The following DNAJC16 variants were observed in gnomAD, a reference collection of about 807,000 sequenced individuals.
The protein encoded by DNAJC16 is dnaJ homolog subfamily C member 16.
A neutral mutation model predicts 92.7 loss-of-function variants in DNAJC16; 76 were observed. That is an observed-to-expected ratio of 0.82 (90% CI 0.68 to 0.99). The LOEUF (loss-of-function observed/expected upper bound fraction) is 0.99. DNAJC16 is among the 50% of genes least tolerant of loss of function. The probability of loss-of-function intolerance (pLI) is 0.00; values close to 1 mark genes in which losing one functional copy is unlikely to be tolerated. For synonymous variants in DNAJC16, 328 were observed against 358.7 expected (o/e 0.91, Z 0.97); for missense variants, 869 against 942.4 (o/e 0.92, Z 1.02).
chr1:15,551,906 C>G (rs2103417923), intron 7 of DNAJC16, among the ~76,000 whole-genome samples: 1 of 151,984 alleles, frequency 6.6e-6, no homozygotes, highest in African/African-American at 2.4e-5. Context: ...TGGCATGCAC[C>G]TGTAATCCCA....
At chr1:15,540,438 G>A (rs1309065920) in intron 4 of DNAJC16, among the ~76,000 whole-genome samples, 11 of 152,098 alleles carry the variant, frequency 7.2e-5, no homozygotes, top group African/African-American at 1.2e-4. Context: ...AGGCACACAC[G>A]GGCATGCCCA....
Position 15,527,395 on chromosome 1 carries a change from AAT to A in DNAJC16, c.-19+439_-19+440del, listed in dbSNP as rs1210939610. On this transcript the variant is annotated intron_variant, in intron 1 of 14. Transcript: ENST00000375847. ...AGCGATCGTACTGCATGGTAGAAAT[AAT>A]AGCACTAACGACCATTTGTTGACTG... 2.6e-5 allele frequency among the ~76,000 whole-genome samples: 4 copies of A among 152,320 alleles called. No homozygotes were observed. In the East Asian group the frequency reaches 7.7e-4, roughly 29 times the overall value.
Position 15,541,597 on chromosome 1 carries a change from A to T in DNAJC16, c.575-2802A>T, listed in dbSNP as rs142600944. 9.6e-4 allele frequency among the ~76,000 whole-genome samples: 146 copies of T among 152,300 alleles called. 1 individual carries two copies. Among genetic ancestry groups the T allele is most frequent in the African/African-American group, 3.4e-3 (141 of 41,566 alleles). ...GAGAGCTTGGTTTAGTCTGCTCAGC[A>T]GTTTTAAAACATTAAGTTTGGGATC... On this transcript the variant is annotated intron_variant, in intron 4 of 14. Transcript: ENST00000375847.
At chr1:15,563,795 A>G (rs1638745928) in intron 9 of DNAJC16, 134 bp from the exon 10 acceptor site, 7 of 833,744 alleles carry the variant, frequency 8.4e-6, no homozygotes, top group Non-Finnish European at 1.3e-5. Context: ...GCTTGCAGTG[A>G]GCCAAGATCA....
At position 15,565,974 on chromosome 1, in the gene DNAJC16, G is replaced by C. The variant is rs575324634; in HGVS notation, c.1654G>C (p.Gly552Arg). Residue 552 changes from glycine (G) to arginine (R), a missense_variant, in exon 12 of 15, where the codon GGC becomes CGC. By Grantham distance (125) the Gly-to-Arg change is moderately radical. Transcript: ENST00000375847. Reference protein sequence around the residue: ...LIFSALFILFGTVIVQAFSDS... With the variant: ...LIFSALFILFRTVIVQAFSDS... ...CTTCTCTGCCCTCTTCATCCTCTTC[G>C]GCACTGTCATCGTTCAGGCTTTCAG... 1.2e-6 allele frequency: 2 copies of C among 1,613,384 alleles called. No individual in the cohort carries two copies. The highest frequency in any genetic ancestry group is 8.5e-7 in the Non-Finnish European group (1 of 1,179,938).
chr1:15,557,597 C>G (rs977684728), intron 7 of DNAJC16, among the ~76,000 whole-genome samples: 1 of 151,306 alleles, frequency 6.6e-6, no homozygotes, highest in Non-Finnish European at 1.5e-5. Context: ...TCATTAACTT[C>G]TTTTCTATTA....
rs941204665 is a variant in DNAJC16, at chr1:15,559,519, T to G, written c.1024-7T>G. 1 of 1,613,942 alleles carries G rather than the reference T, an allele frequency of 6.2e-7. No homozygotes were observed. Among genetic ancestry groups the G allele is most frequent in the Non-Finnish European group, 8.5e-7 (1 of 1,179,882 alleles). ...TAAAATCTAGCTGATTCTTGGTTTT[T>G]CTCTAGGCCCGAGGTATGAAGAAGC... is the stretch of plus-strand genomic sequence containing the variant. On this transcript the variant is annotated splice_polypyrimidine_tract_variant and splice_region_variant and intron_variant, in intron 7 of 14. Transcript: ENST00000375847.
rs116362925 is a variant in DNAJC16, at chr1:15,551,165, C to T, written c.1023+2737C>T. Among the ~76,000 whole-genome samples, 211 of 152,290 alleles carry T rather than the reference C, an allele frequency of 1.4e-3. 1 individual carries two copies. The highest frequency in any genetic ancestry group is 4.9e-3 in the African/African-American group (205 of 41,570). On this transcript the variant is annotated intron_variant, in intron 7 of 14. Transcript: ENST00000375847. ...GATTACAGGCGTGAGCCTCCGTGCC[C>T]GGCCTCACCTTATATCTTTGATGAA...
intron 7 of DNAJC16, among the ~76,000 whole-genome samples, chr1:15,552,989 C>T (rs1160901851): frequency 6.6e-6 from 1 of 151,722 alleles, no homozygotes; most frequent in Non-Finnish European, 1.5e-5. Context: ...AGGCTGGTCT[C>T]GAGCGCCTGA....
chr1:15,531,168 A>G (rs1710651259), intron 2 of DNAJC16, among the ~76,000 whole-genome samples: 1 of 152,216 alleles, frequency 6.6e-6, no homozygotes. Flanking sequence ...GAGGAGCTGA[A>G]TGCGAGTAGG....
At chr1:15,549,644 C>G (rs7513040) in intron 7 of DNAJC16, among the ~76,000 whole-genome samples, 2 of 151,642 alleles carry the variant, frequency 1.3e-5, no homozygotes, top group South Asian at 4.2e-4. Flanking sequence ...GAAACCCCGT[C>G]TCTACTAAAA....
intron 7 of DNAJC16, among the ~76,000 whole-genome samples, chr1:15,551,887 C>T (rs1638450120): frequency 6.6e-6 from 1 of 151,498 alleles, no homozygotes; most frequent in Non-Finnish European, 1.5e-5. Context: ...ACAAAAAAGC[C>T]GGGTGTGGTG....
rs555151554 is a variant in DNAJC16 at position 15,557,914 on chromosome 1, C to CT, written c.1024-1604dup. Among the ~76,000 whole-genome samples the CT allele has an allele frequency of 3.5e-4, 53 of 150,802 alleles. No individual in the cohort carries two copies. In the South Asian group the frequency reaches 0.01, roughly 30 times the overall value. ...TGCCCAGCTAACAACTTTTTTTTTCCTTTTTTTTCTTTTATGAGACAGGGT... is the reference window on the plus strand; with the variant it reads ...TGCCCAGCTAACAACTTTTTTTTTCCTTTTTTTTTCTTTTATGAGACAGGGT... On this transcript the variant is annotated intron_variant, in intron 7 of 14. Transcript: ENST00000375847.
chr1:15,534,136 C>T, intron 2 of DNAJC16, 101 bp from the exon 3 acceptor site: 1 of 1,081,226 alleles, frequency 9.2e-7, no homozygotes, highest in Non-Finnish European at 1.3e-6. Flanking sequence ...AACAAAATAG[C>T]CCTCCGTCTG....
At chr1:15,533,422 T>A (rs2103403348) in intron 2 of DNAJC16, among the ~76,000 whole-genome samples, 1 of 151,158 alleles carries the variant, frequency 6.6e-6, no homozygotes, top group Non-Finnish European at 1.5e-5. Context: ...AGGTCAGGAG[T>A]TTGAGACCAG....
Position 15,567,391 on chromosome 1 carries a change from G to C in DNAJC16, c.1949+122G>C, listed in dbSNP as rs528129364. 1,277 of 1,041,562 alleles carry C rather than the reference G, an allele frequency of 1.2e-3. 3 individuals are homozygous for C. Among genetic ancestry groups the C allele is most frequent in the Non-Finnish European group, 1.7e-3 (1,208 of 719,304 alleles). 64.5% of individuals were successfully genotyped at this position (1,041,562 alleles called of 1,614,324 possible). ...TCATCCATACAGCAAGATGCTGGCT[G>C]TGACCTTTCCAATCCAGACATCTGA... is the stretch of plus-strand genomic sequence containing the variant. On this transcript the variant is annotated intron_variant, in intron 14 of 14. Coordinates refer to ENST00000375847, the MANE Select transcript of DNAJC16 (RefSeq NM_015291.4).
chr1:15,542,583 C>T (rs1388375387), intron 4 of DNAJC16, among the ~76,000 whole-genome samples: 1 of 152,214 alleles, frequency 6.6e-6, no homozygotes, highest in African/African-American at 2.4e-5. Flanking sequence ...CAAGGAGGGT[C>T]ATGGGACCCT....
At chr1:15,558,358 T>C (rs1235775804) in intron 7 of DNAJC16, among the ~76,000 whole-genome samples, 1 of 151,922 alleles carries the variant, frequency 6.6e-6, no homozygotes, top group Non-Finnish European at 1.5e-5. Flanking sequence ...CTAATGTTTT[T>C]TTATTTTTAG....
chr1:15,553,337 C>T (rs1258791445), intron 7 of DNAJC16, among the ~76,000 whole-genome samples: 1 of 151,894 alleles, frequency 6.6e-6, no homozygotes, highest in Admixed American at 6.6e-5. Context: ...CGGGTTCAAG[C>T]GATTCTCCTG....
Sources: gnomAD v4.1 joint callset for allele counts (sites outside exome capture counted in the v4.1 genomes callset) on GRCh38, gnomAD v4.1.1 for gene constraint, MANE v1.5 for transcripts, NCBI Gene and HGNC (gene_info 2026-07-23, HGNC 2026-07-21) for gene names.